DLGAP4: variants seen among roughly 807,000 people sequenced by gnomAD.
DLGAP4 encodes disks large-associated protein 4.
A neutral mutation model predicts 86.9 loss-of-function variants in DLGAP4; 18 were observed. The ratio of observed to expected loss-of-function variants is 0.21; its 90% CI spans 0.14 to 0.31. DLGAP4 has a LOEUF of 0.31. DLGAP4 is among the 10% of genes least tolerant of loss of function. The pLI is 1.00. For missense variants in DLGAP4, 1,085 were observed against 1,362.6 expected, an observed-to-expected ratio of 0.80 and a Z score of 3.21; for synonymous variants, 548 against 574.3, an observed-to-expected ratio of 0.95 and a Z score of 0.65.
At position 36,467,860 on chromosome 20, in the gene DLGAP4, C is replaced by G. The variant is rs145419079; in HGVS notation, c.1648+20923C>G. ...CACAAGGGCGCTCATGAAATCTGTA[C>G]AATAAGCCAGAGGCAGATGGACTTC... is the stretch of plus-strand genomic sequence containing the variant. On this transcript the variant is annotated intron_variant, in intron 7 of 12. Transcript: ENST00000339266. 3.0e-3 allele frequency among the ~76,000 whole-genome samples: 459 copies of G among 152,322 alleles called. 7 individuals carry two copies. Among genetic ancestry groups the G allele is most frequent in the African/African-American group, 0.011 (443 of 41,560 alleles).
intron 5 of DLGAP4, among the ~76,000 whole-genome samples, chr20:36,441,698 C>T (rs1308338517): frequency 6.6e-5 from 10 of 152,130 alleles, no homozygotes; most frequent in Non-Finnish European, 1.3e-4. Flanking sequence ...CACGTTTTCT[C>T]GTCTCAGTCT....
intron 10 of DLGAP4, among the ~76,000 whole-genome samples, chr20:36,509,030 C>G (rs2036542220): frequency 6.6e-6 from 1 of 152,230 alleles, no homozygotes; most frequent in South Asian, 2.1e-4. Context: ...TACTTGGTTA[C>G]TAGAGAAGCT....
chr20:36,349,921 C>G (rs1287682598), intron 1 of DLGAP4, among the ~76,000 whole-genome samples: 6 of 152,164 alleles, frequency 3.9e-5, no homozygotes, highest in Admixed American at 3.9e-4. Flanking sequence ...GGCTGTCCTC[C>G]CCTGACTGCC....
At chr20:36,373,992 G>T (rs910522655) in intron 2 of DLGAP4, among the ~76,000 whole-genome samples, 2 of 146,378 alleles carry the variant, frequency 1.4e-5, no homozygotes, top group East Asian at 4.0e-4. Context: ...AACCGAGATC[G>T]TGCCACTGCA....
chr20:36,436,270 C>A lies in DLGAP4; in HGVS notation c.1161C>A (p.Pro387=). The change falls in exon 4 of 13, where the codon CCC becomes CCA. Residue 387 remains proline (P), a synonymous_variant. Coordinates refer to ENST00000339266, the MANE Select transcript of DLGAP4 (RefSeq NM_001365621.2). ...DSDESGGSPK[P]SPKTAARRQS... The stretch of plus-strand genomic sequence containing the variant: ...ACGAGTCCGGCGGCAGCCCCAAGCC[C>A]TCACCCAAGACCGCGGCGCGGCGCC... 6.2e-7 allele frequency: 1 copy of A among 1,605,854 alleles called. No individual in the cohort carries two copies. The highest frequency in any genetic ancestry group is 1.3e-5 in the African/African-American group (1 of 75,052).
At chr20:36,522,565 C>T (rs867962423) in intron 10 of DLGAP4, among the ~76,000 whole-genome samples, 3 of 152,336 alleles carry the variant, frequency 2.0e-5, no homozygotes, top group South Asian at 2.1e-4. Flanking sequence ...CTGCCACCCA[C>T]GCTGGAGCGT....
intron 7 of DLGAP4, chr20:36,492,369 G>A (rs754133448): frequency 6.6e-6 from 1 of 152,230 alleles, no homozygotes; most frequent in Non-Finnish European, 1.5e-5. Flanking sequence ...GGAGACAGAG[G>A]ATCCAAGATC....
chr20:36,525,638 C>T, intron 11 of DLGAP4: 1 of 626,714 alleles, frequency 1.6e-6, no homozygotes, highest in Non-Finnish European at 2.8e-6. Flanking sequence ...TTGCCACAGC[C>T]CTTAGACTAT....
chr20:36,404,940 G>A (rs2032272136), intron 2 of DLGAP4, among the ~76,000 whole-genome samples: 1 of 152,218 alleles, frequency 6.6e-6, no homozygotes, highest in Non-Finnish European at 1.5e-5. Context: ...CGAGGGGGTA[G>A]TTGAGGAGCG....
chr20:36,520,911 C>T (rs2037341943), intron 10 of DLGAP4, among the ~76,000 whole-genome samples: 1 of 152,130 alleles, frequency 6.6e-6, no homozygotes, highest in African/African-American at 2.4e-5. Context: ...TGGCTCACTG[C>T]AACCTCTGCC....
In DLGAP4 at chr20:36,527,521, A is replaced by AC. The variant is rs2037842589; in HGVS notation, c.*492dup. On this transcript the variant is annotated 3_prime_UTR_variant, in exon 13 of 13. Coordinates refer to ENST00000339266, the MANE Select transcript of DLGAP4 (RefSeq NM_001365621.2). ...TCCCTTCAGAGCTCACACAGTGGTCACCATTGTGGCAAGCGGCTTTCTGGG... is the reference window on the plus strand; with the variant it reads ...TCCCTTCAGAGCTCACACAGTGGTCACCCATTGTGGCAAGCGGCTTTCTGGG... The AC allele has an allele frequency of 6.5e-6, 1 of 153,500 alleles. No homozygotes were observed. The highest frequency in any genetic ancestry group is 1.5e-5 in the Non-Finnish European group (1 of 68,748). 9.5% of individuals were successfully genotyped at this position (153,500 alleles called of 1,614,324 possible). A position where few individuals can be genotyped will look rare whatever the true frequency, so the allele number is the denominator to read the frequency against.
intron 2 of DLGAP4, among the ~76,000 whole-genome samples, chr20:36,422,752 C>T (rs2032864339): frequency 1.3e-5 from 2 of 152,176 alleles, no homozygotes; most frequent in African/African-American, 4.8e-5. Context: ...CACAGAGGCA[C>T]CATGGAGCAG....
At chr20:36,519,857 C>A (rs934927865) in intron 10 of DLGAP4, among the ~76,000 whole-genome samples, 1 of 152,152 alleles carries the variant, frequency 6.6e-6, no homozygotes, top group African/African-American at 2.4e-5. Context: ...ATAGTGCCAT[C>A]ATAGCTCACT....
chr20:36,374,293 A>G (rs1281395124), intron 2 of DLGAP4, among the ~76,000 whole-genome samples: 1 of 152,076 alleles, frequency 6.6e-6, no homozygotes, highest in Non-Finnish European at 1.5e-5. Flanking sequence ...GTGGATGTGC[A>G]TATAGGGGCT....
rs368088847 is a variant in DLGAP4, at chr20:36,496,971, C to T, written c.1915C>T (p.His639Tyr). The T allele has an allele frequency of 6.2e-7, 1 of 1,614,210 alleles. No homozygotes were observed. Among genetic ancestry groups the T allele is most frequent in the Non-Finnish European group, 8.5e-7 (1 of 1,180,042 alleles). ...APEAPEPPPK[H>Y]AALKSEQGTL... is the part of the protein sequence containing the mutation. ...TGAGGCCCCAGAGCCACCCCCAAAA[C>T]ATGCAGCTCTGAAAAGTGAACAAGG... Residue 639 changes from histidine (H) to tyrosine (Y), a missense_variant, in exon 8 of 13, where the codon CAT becomes TAT. Physicochemically the swap from His to Tyr is moderately conservative, Grantham distance 83 (BLOSUM62 2). Around this residue, in one of 2 missense-constraint regions of DLGAP4, gnomAD observed 1,082 missense variants for 1,344.1 expected, o/e 0.81. Transcript: ENST00000339266.
At chr20:36,467,035 T>A (rs868120451) in intron 7 of DLGAP4, among the ~76,000 whole-genome samples, 98 of 122,710 alleles carry the variant, frequency 8.0e-4, no homozygotes, top group Middle Eastern at 3.9e-3. Flanking sequence ...TCTCTCTCTC[T>A]CTCTCTCTCT....
At chr20:36,503,296 G>C (rs1162938477) in intron 10 of DLGAP4, among the ~76,000 whole-genome samples, 3 of 152,038 alleles carry the variant, frequency 2.0e-5, no homozygotes, top group Non-Finnish European at 4.4e-5. Flanking sequence ...ATGGCACTTA[G>C]TGTATTCACA....
At chr20:36,522,731 T>G (rs1348243039) in intron 10 of DLGAP4, among the ~76,000 whole-genome samples, 2 of 152,204 alleles carry the variant, frequency 1.3e-5, no homozygotes, top group Non-Finnish European at 2.9e-5. Context: ...TTGGCCAGAC[T>G]GGTCTCGAAT....
At chr20:36,417,018 C>T (rs530508262) in intron 2 of DLGAP4, among the ~76,000 whole-genome samples, 1 of 152,272 alleles carries the variant, frequency 6.6e-6, no homozygotes, top group Admixed American at 6.5e-5. Flanking sequence ...GGTCCCTCCC[C>T]TCTTGGAGCT....
Sources: allele counts gnomAD v4.1 joint callset (sites outside exome capture counted in the v4.1 genomes callset), GRCh38; gene constraint gnomAD v4.1.1; regional missense constraint gnomAD v4.1.1; transcripts MANE v1.5; gene names NCBI Gene and HGNC (gene_info 2026-07-23, HGNC 2026-07-21).